The following NKAIN2 variants were observed in gnomAD, a reference collection of about 807,000 sequenced individuals.
NKAIN2 encodes the protein sodium/potassium-transporting ATPase subunit beta-1-interacting protein 2.
A neutral mutation model predicts 32.6 loss-of-function variants in NKAIN2; 14 were observed. That is an observed-to-expected ratio of 0.43 (90% confidence interval 0.28 to 0.67). The LOEUF is 0.67. Among genes scored for constraint, NKAIN2 ranks in the 30% least tolerant of loss-of-function variants. NKAIN2 has a pLI of 0.17. For missense variants in NKAIN2, 198 were observed against 258.3 expected (o/e 0.77, Z 1.60); for synonymous variants, 80 against 87.2 (o/e 0.92, Z 0.46).
chr6:123,948,708 A>C (rs77304954), intron 1 of NKAIN2, among the ~76,000 whole-genome samples: 9 of 142,666 alleles, frequency 6.3e-5, no homozygotes, highest in African/African-American at 2.3e-4. Context: ...CCCATTGAGC[A>C]GATTTTCTCT....
chr6:124,349,980 T>G (rs1798636597), intron 2 of NKAIN2, among the ~76,000 whole-genome samples: 1 of 152,206 alleles, frequency 6.6e-6, no homozygotes, highest in Admixed American at 6.5e-5. Context: ...CAATAGAATT[T>G]TTCTCTCATC....
intron 3 of NKAIN2, among the ~76,000 whole-genome samples, chr6:124,367,202 C>A (rs1280442417): frequency 1.3e-5 from 2 of 152,106 alleles, no homozygotes; most frequent in African/African-American, 2.4e-5. Context: ...AAAACAAATG[C>A]AATAAGTTGT....
At chr6:124,112,637 C>A (rs888806932) in intron 1 of NKAIN2, among the ~76,000 whole-genome samples, 1 of 152,100 alleles carries the variant, frequency 6.6e-6, no homozygotes, top group African/African-American at 2.4e-5. Flanking sequence ...ACAATTATTT[C>A]TTTGAATAAG....
chr6:124,151,776 T>C (rs1021980611), intron 1 of NKAIN2, among the ~76,000 whole-genome samples: 2 of 152,030 alleles, frequency 1.3e-5, no homozygotes, highest in Admixed American at 6.6e-5. Context: ...AATATGCTTA[T>C]TATGCATCTT....
intron 4 of NKAIN2, among the ~76,000 whole-genome samples, chr6:124,662,290 C>CAGAA (rs1435316233): frequency 1.6e-5 from 2 of 125,030 alleles, no homozygotes; most frequent in South Asian, 5.4e-4. Flanking sequence ...AACAAATGTG[C>CAGAA]AGAAAGAATA....
intron 3 of NKAIN2, among the ~76,000 whole-genome samples, chr6:124,487,552 G>A (rs545495793): frequency 8.5e-5 from 13 of 152,194 alleles, no homozygotes; most frequent in Admixed American, 2.0e-4. Flanking sequence ...TAAGGAATAC[G>A]CATTTGAATA....
At chr6:123,913,508 C>G (rs1775328303) in intron 1 of NKAIN2, among the ~76,000 whole-genome samples, 1 of 152,128 alleles carries the variant, frequency 6.6e-6, no homozygotes, top group East Asian at 1.9e-4. Flanking sequence ...TCAGACCCTT[C>G]TTACTACAAA....
intron 3 of NKAIN2, among the ~76,000 whole-genome samples, chr6:124,373,390 A>G (rs1440119517): frequency 1.3e-5 from 2 of 152,152 alleles, no homozygotes; most frequent in Non-Finnish European, 2.9e-5. Flanking sequence ...GTCAACATCA[A>G]GTCTTGGTTG....
intron 1 of NKAIN2, among the ~76,000 whole-genome samples, chr6:124,038,672 C>T (rs963150383): frequency 5.3e-5 from 8 of 152,136 alleles, no homozygotes; most frequent in Admixed American, 2.0e-4. Context: ...TCACCTACTC[C>T]GAATTTAGCT....
At chr6:124,335,531 G>A (rs1293884450) in intron 2 of NKAIN2, among the ~76,000 whole-genome samples, 1 of 152,178 alleles carries the variant, frequency 6.6e-6, no homozygotes, top group Non-Finnish European at 1.5e-5. Flanking sequence ...TGAGATTAAA[G>A]CATCTCTGAT....
chr6:123,840,178 G>A (rs1774809262), intron 1 of NKAIN2, among the ~76,000 whole-genome samples: 1 of 152,022 alleles, frequency 6.6e-6, no homozygotes, highest in African/African-American at 2.4e-5. Flanking sequence ...GTGTTAGTCT[G>A]TATGTTTGTG....
chr6:124,567,614 T>G (rs1270347816), intron 3 of NKAIN2, among the ~76,000 whole-genome samples: 1 of 152,222 alleles, frequency 6.6e-6, no homozygotes, highest in East Asian at 1.9e-4. Context: ...CATTTAGTTC[T>G]CTCATGACTG....
At chr6:124,748,638 A>G (rs879862524) in intron 4 of NKAIN2, among the ~76,000 whole-genome samples, 19 of 151,964 alleles carry the variant, frequency 1.3e-4, no homozygotes, top group Non-Finnish European at 5.9e-5. Context: ...ACACGGAGGA[A>G]GTTATAAAAA....
intron 5 of NKAIN2, among the ~76,000 whole-genome samples, chr6:124,816,032 GT>G: frequency 6.6e-6 from 1 of 152,256 alleles, no homozygotes; most frequent in South Asian, 2.1e-4. Context: ...CAGGGTCTCT[GT>G]TTTTGTCATT....
intron 1 of NKAIN2, among the ~76,000 whole-genome samples, chr6:124,246,795 ACT>A (rs1793429809): frequency 1.3e-5 from 2 of 152,028 alleles, no homozygotes; most frequent in African/African-American, 2.4e-5. Context: ...GGGATGAGGC[ACT>A]GTTTTGGTTT....
intron 1 of NKAIN2, among the ~76,000 whole-genome samples, chr6:124,272,495 T>G (rs998905963): frequency 6.6e-6 from 1 of 152,216 alleles, no homozygotes; most frequent in Non-Finnish European, 1.5e-5. Context: ...TTTCAGAGAA[T>G]GTATGGAAAT....
At chr6:124,424,798 A>G (rs995697644) in intron 3 of NKAIN2, among the ~76,000 whole-genome samples, 62 of 152,224 alleles carry the variant, frequency 4.1e-4, no homozygotes, top group Admixed American at 3.3e-3. Flanking sequence ...CTATATGTCT[A>G]TATGTTCATC....
intron 1 of NKAIN2, among the ~76,000 whole-genome samples, chr6:123,979,268 T>C (rs901784955): frequency 1.2e-4 from 19 of 152,336 alleles, no homozygotes; most frequent in African/African-American, 4.3e-4. Context: ...ACAATAATTT[T>C]AAATTTTGTT....
chr6:124,434,710 A>G (rs933096761), intron 3 of NKAIN2, among the ~76,000 whole-genome samples: 2 of 152,162 alleles, frequency 1.3e-5, no homozygotes, highest in South Asian at 2.1e-4. Context: ...TTGAGCAAAA[A>G]TGTTTCTTTT....
Sources: gnomAD v4.1 joint callset for allele counts (sites outside exome capture counted in the v4.1 genomes callset) on GRCh38, gnomAD v4.1.1 for gene constraint, MANE v1.5 for transcripts, NCBI Gene and HGNC (gene_info 2026-07-23, HGNC 2026-07-21) for gene names.